NAPG: variants seen among roughly 807,000 people sequenced by gnomAD.
The protein encoded by NAPG is NSF attachment protein gamma.
NAPG carries 25 observed loss-of-function variants against 48.4 expected under a neutral mutation model. The ratio of observed to expected loss-of-function variants is 0.52; its 90% CI spans 0.38 to 0.72. NAPG has a LOEUF of 0.72. Among genes scored for constraint, NAPG ranks in the 30% least tolerant of loss-of-function variants. The probability of loss-of-function intolerance (pLI) is 0.00; values close to 1 mark genes in which losing one functional copy is unlikely to be tolerated. For synonymous variants in NAPG, 139 were observed against 127.2 expected (o/e 1.09, Z -0.62); for missense variants, 359 against 372.5 (o/e 0.96, Z 0.30).
intron 1 of NAPG, among the ~76,000 whole-genome samples, chr18:10,529,408 C>CA (rs2031883748): frequency 6.6e-6 from 1 of 152,174 alleles, no homozygotes; most frequent in African/African-American, 2.4e-5. Context: ...ACTATATACA[C>CA]AAACAAGTTT....
At chr18:10,527,061 G>A (rs1366686608) in intron 1 of NAPG, among the ~76,000 whole-genome samples, 5 of 151,864 alleles carry the variant, frequency 3.3e-5, no homozygotes, top group African/African-American at 1.2e-4. Context: ...GGTGGCGGGC[G>A]CCTGTAGTCC....
Position 10,546,573 on chromosome 18 carries a change from C to T in NAPG, c.585+169C>T, listed in dbSNP as rs531690673. Reference sequence around the variant, plus strand: ...AGAGTAAGCCCACTACAGCTTGTTTCTCTGCTGATTACAGCTAAACTACTG... The same window carrying T: ...AGAGTAAGCCCACTACAGCTTGTTTTTCTGCTGATTACAGCTAAACTACTG... On this transcript the variant is annotated intron_variant, in intron 9 of 11. Transcript: ENST00000322897. This position sits in a 1 kb window ranked among gnomAD's most constrained non-coding sequence, Gnocchi z 4.0. Among the ~76,000 whole-genome samples, 15 of 152,104 alleles carry T rather than the reference C, an allele frequency of 9.9e-5. 1 individual carries two copies. The East Asian group carries it at 2.9e-3, about 29-fold the overall frequency.
At chr18:10,545,566 C>T (rs1231735626) in intron 8 of NAPG, among the ~76,000 whole-genome samples, 1 of 152,032 alleles carries the variant, frequency 6.6e-6, no homozygotes, top group Non-Finnish European at 1.5e-5. Context: ...AGTTGTACTA[C>T]TGAGGGAGTC....
In NAPG at chr18:10,539,804, G is replaced by A. The variant is rs1282397170; in HGVS notation, c.301G>A (p.Ala101Thr). Residue 101 changes from alanine (A) to threonine (T), a missense_variant, in exon 6 of 12, where the codon GCC becomes ACC. Coordinates refer to ENST00000322897, the MANE Select transcript of NAPG (RefSeq NM_003826.3). This position sits in a 1 kb window ranked among gnomAD's most constrained non-coding sequence, Gnocchi z 4.7. ...AGAGGCCGTTCAGCTAATTGAGAAG[G>A]CCAGCATGATGTATCTAGAAAACGG... ...LPEAVQLIEK[A>T]SMMYLENGTP... 10 of 1,614,024 alleles carry A rather than the reference G, an allele frequency of 6.2e-6. No individual in the cohort carries two copies.
intron 5 of NAPG, among the ~76,000 whole-genome samples, chr18:10,535,822 A>C (rs1195959079): frequency 6.6e-6 from 1 of 152,244 alleles, no homozygotes; most frequent in East Asian, 1.9e-4. Flanking sequence ...ATTATAAACT[A>C]TTATATATCC....
At position 10,546,237 on chromosome 18, in the gene NAPG, C is replaced by A; in HGVS notation, c.507-89C>A. The A allele has an allele frequency of 1.3e-6, 1 of 765,974 alleles. No homozygotes were observed. Among genetic ancestry groups the A allele is most frequent in the Non-Finnish European group, 2.0e-6 (1 of 499,414 alleles). 47.4% of individuals were successfully genotyped at this position (765,974 alleles called of 1,614,324 possible). A position where few individuals can be genotyped will look rare whatever the true frequency, so the allele number is the denominator to read the frequency against. ...AATACCTGTCCTCCTGGTGTCTCTA[C>A]AATCTATGATGTCAAGTACATTTCA... is the stretch of plus-strand genomic sequence containing the variant. On this transcript the variant is annotated intron_variant, in intron 8 of 11. Transcript: ENST00000322897. The surrounding 1 kb of genome is among the most constrained non-coding windows in gnomAD (Gnocchi z 4.0).
chr18:10,540,378 G>A lies in NAPG; in HGVS notation c.485G>A (p.Arg162Lys), dbSNP rs769763423. ...QAVELLGKASRLLVRGRRFDE... is the reference protein window; with the variant it reads ...QAVELLGKASKLLVRGRRFDE... ...GTTGAATTACTAGGAAAAGCCTCCA[G>A]ACTACTAGTACGAGGACGTAGGTAT... The change falls in exon 8 of 12, where the codon AGA becomes AAA. Residue 162 changes from arginine (R) to lysine (K), a missense_variant. Arg to Lys is a conservative substitution (Grantham distance 26). Transcript: ENST00000322897. 1 of 1,613,560 alleles carries A rather than the reference G, an allele frequency of 6.2e-7. No homozygotes were observed. Among genetic ancestry groups the A allele is most frequent in the Non-Finnish European group, 8.5e-7 (1 of 1,179,628 alleles).
intron 8 of NAPG, among the ~76,000 whole-genome samples, chr18:10,541,511 C>T (rs536948323): frequency 2.6e-5 from 4 of 152,264 alleles, no homozygotes; most frequent in East Asian, 3.9e-4. Flanking sequence ...TTGGTGATGG[C>T]GTTATGGCTG....
At chr18:10,545,922 G>A (rs941643512) in intron 8 of NAPG, among the ~76,000 whole-genome samples, 4 of 152,252 alleles carry the variant, frequency 2.6e-5, no homozygotes, top group East Asian at 1.9e-4. Context: ...GGACACAGTC[G>A]GGGGAAGGCA....
chr18:10,536,634 T>C (rs1021168741), intron 5 of NAPG, among the ~76,000 whole-genome samples: 4 of 152,208 alleles, frequency 2.6e-5, no homozygotes, highest in Admixed American at 2.6e-4. Context: ...CAGCCTCACT[T>C]GATTTTACGC....
rs947580037 is a variant in NAPG at position 10,544,001 on chromosome 18, C to G, written c.507-2325C>G. The stretch of plus-strand genomic sequence containing the variant: ...ATGTCAAGGAAATAAACAGTTTATG[C>G]GTAAAGAATGCACCCTTTATAGTTA... On this transcript the variant is annotated intron_variant, in intron 8 of 11. Transcript: ENST00000322897. The surrounding 1 kb of genome is among the most constrained non-coding windows in gnomAD (Gnocchi z 5.1). Among the ~76,000 whole-genome samples, 1 of 151,970 alleles carries G rather than the reference C, an allele frequency of 6.6e-6. No homozygotes were observed. Among genetic ancestry groups the G allele is most frequent in the Non-Finnish European group, 1.5e-5 (1 of 68,020 alleles).
intron 1 of NAPG, among the ~76,000 whole-genome samples, chr18:10,528,459 A>C (rs1298896152): frequency 6.6e-6 from 1 of 152,208 alleles, no homozygotes; most frequent in Non-Finnish European, 1.5e-5. Flanking sequence ...AGCAAGGAAA[A>C]GGTAATATGC....
chr18:10,526,239 C>CCTACCCCCCGGGGGGGGGG, intron 1 of NAPG, 81 bp downstream of exon 1: 1 of 349,042 alleles, frequency 2.9e-6, no homozygotes. Context: ...CCGGGGGGGG[C>CCTACCCCCCGGGGGGGGGG]GGGAGGGAGG....
At chr18:10,533,937 G>C (rs781267252) in intron 4 of NAPG, among the ~76,000 whole-genome samples, 1 of 152,134 alleles carries the variant, frequency 6.6e-6, no homozygotes, top group Non-Finnish European at 1.5e-5. Flanking sequence ...TTGAGGTCAG[G>C]AGTTCAAGAC....
At chr18:10,535,536 G>A (rs2032013717) in intron 5 of NAPG, among the ~76,000 whole-genome samples, 2 of 152,208 alleles carry the variant, frequency 1.3e-5, no homozygotes, top group Non-Finnish European at 2.9e-5. Context: ...CAACGTGGGT[G>A]GATTACCTGA....
Position 10,544,805 on chromosome 18 carries a change from T to C in NAPG, c.507-1521T>C, listed in dbSNP as rs1335221533. Among the ~76,000 whole-genome samples the C allele has an allele frequency of 6.6e-6, 1 of 152,200 alleles. No individual in the cohort carries two copies. The highest frequency in any genetic ancestry group is 1.5e-5 in the Non-Finnish European group (1 of 68,042). ...TCTGCTACCAAACCCAGCTTATAAA[T>C]TGACTTTGTTCCAAAAATTTATCAA... On this transcript the variant is annotated intron_variant, in intron 8 of 11. Transcript: ENST00000322897. The surrounding 1 kb of genome is among the most constrained non-coding windows in gnomAD (Gnocchi z 5.1).
intron 1 of NAPG, among the ~76,000 whole-genome samples, chr18:10,527,201 A>AAAAG (rs1555612341): frequency 2.0e-5 from 3 of 149,536 alleles, no homozygotes; most frequent in African/African-American, 7.3e-5. Flanking sequence ...AAAAAAAAAA[A>AAAAG]AAAAGAAAAG....
rs1333665017 is a variant in NAPG, at chr18:10,543,909, A to G, written c.507-2417A>G. Reference sequence around the variant, plus strand: ...AAAGTCGATCAACTTTTTCGACTACAAACTCATGTAAGGGCTTGGCTCTTT... The same window carrying G: ...AAAGTCGATCAACTTTTTCGACTACGAACTCATGTAAGGGCTTGGCTCTTT... On this transcript the variant is annotated intron_variant, in intron 8 of 11. Transcript: ENST00000322897. The surrounding 1 kb of genome is among the most constrained non-coding windows in gnomAD (Gnocchi z 4.4). Among the ~76,000 whole-genome samples, 2 of 152,220 alleles carry G rather than the reference A, an allele frequency of 1.3e-5. No homozygotes were observed. Among genetic ancestry groups the G allele is most frequent in the Non-Finnish European group, 2.9e-5 (2 of 68,050 alleles).
In NAPG at chr18:10,543,264, C is replaced by T. The variant is rs2032193702; in HGVS notation, c.506+2865C>T. Among the ~76,000 whole-genome samples, 1 of 152,040 alleles carries T rather than the reference C, an allele frequency of 6.6e-6. No individual in the cohort carries two copies. The highest frequency in any genetic ancestry group is 1.5e-5 in the Non-Finnish European group (1 of 67,990). On this transcript the variant is annotated intron_variant, in intron 8 of 11. Transcript: ENST00000322897. The surrounding 1 kb of genome is among the most constrained non-coding windows in gnomAD (Gnocchi z 4.4). ...TGGTCTCAGTGAACCCAAATCCCTC[C>T]TAGAAGACTCACTTAGCAAAGAAAA...
Sources: gnomAD v4.1 joint callset for allele counts (sites outside exome capture counted in the v4.1 genomes callset) on GRCh38, gnomAD v4.1.1 for gene constraint, Gnocchi (gnomAD v3.1) non-coding constraint, MANE v1.5 for transcripts, NCBI Gene and HGNC (gene_info 2026-07-23, HGNC 2026-07-21) for gene names.